Variants in RAD21L1 observed in about 807,000 individuals in gnomAD.
The protein encoded by RAD21L1 is double-strand-break repair protein rad21-like protein 1.
A neutral mutation model predicts 69.0 loss-of-function variants in RAD21L1; 47 were observed. That is an observed-to-expected ratio of 0.68 (90% confidence interval 0.54 to 0.87). The LOEUF (loss-of-function observed/expected upper bound fraction) is 0.87. Ranked by LOEUF, RAD21L1 falls within the 40% of genes least tolerant of loss-of-function variation. The pLI is 0.00. For missense variants in RAD21L1, 583 were observed against 647.6 expected, an observed-to-expected ratio of 0.90 and a Z score of 1.08; for synonymous variants, 177 against 205.8, an observed-to-expected ratio of 0.86 and a Z score of 1.20.
chr20:1,228,887 T>C (rs1017227079), intron 2 of RAD21L1, among the ~76,000 whole-genome samples: 73 of 152,312 alleles, frequency 4.8e-4, no homozygotes, highest in African/African-American at 1.7e-3. Flanking sequence ...GTTGACATAG[T>C]AAGTACTTAA....
At chr20:1,231,299 A>G (rs1257504077) in intron 3 of RAD21L1, among the ~76,000 whole-genome samples, 2 of 152,200 alleles carry the variant, frequency 1.3e-5, no homozygotes, top group Non-Finnish European at 2.9e-5. Flanking sequence ...ATTTTATTAA[A>G]TGCACTGGAG....
chr20:1,231,850 A>G (rs2087397549), intron 4 of RAD21L1, among the ~76,000 whole-genome samples: 1 of 152,216 alleles, frequency 6.6e-6, no homozygotes. Context: ...CATTCAGTAA[A>G]TATTCACTGA....
chr20:1,249,763 A>C (rs2087789223), intron 13 of RAD21L1, among the ~76,000 whole-genome samples: 1 of 152,324 alleles, frequency 6.6e-6, no homozygotes, highest in African/African-American at 2.4e-5. Context: ...TGCTGCCATA[A>C]AGACTAAATA....
At chr20:1,231,331 G>A (rs2087386268) in intron 3 of RAD21L1, among the ~76,000 whole-genome samples, 195 bp from the exon 4 acceptor site, 1 of 151,836 alleles carries the variant, frequency 6.6e-6, no homozygotes, top group South Asian at 2.1e-4. Context: ...TCATTTTAAG[G>A]CATCTAATCT....
chr20:1,240,291 T>C, intron 7 of RAD21L1, 30 bp from the exon 8 acceptor site: 1 of 1,515,516 alleles, frequency 6.6e-7, no homozygotes, highest in East Asian at 2.5e-5. Context: ...TGGTTTTTTT[T>C]ACAATTACTT....
At chr20:1,235,922 C>T (rs939610451) in intron 5 of RAD21L1, among the ~76,000 whole-genome samples, 9 of 152,118 alleles carry the variant, frequency 5.9e-5, no homozygotes, top group African/African-American at 9.7e-5. Flanking sequence ...CATGCACCTC[C>T]GCACTCGGCT....
chr20:1,232,042 A>T (rs971014443), intron 4 of RAD21L1, among the ~76,000 whole-genome samples: 1 of 152,252 alleles, frequency 6.6e-6, no homozygotes, highest in Non-Finnish European at 1.5e-5. Context: ...ATAAACAGTA[A>T]GACAGGAAAG....
intron 7 of RAD21L1, among the ~76,000 whole-genome samples, chr20:1,239,831 C>A (rs376162215): frequency 6.6e-6 from 1 of 152,122 alleles, no homozygotes; most frequent in East Asian, 1.9e-4. Flanking sequence ...ATTAAAAGTA[C>A]AATTAGCCCC....
chr20:1,239,829 T>C (rs1321998855), intron 7 of RAD21L1, among the ~76,000 whole-genome samples: 1 of 152,220 alleles, frequency 6.6e-6, no homozygotes, highest in Admixed American at 6.5e-5. Flanking sequence ...GAATTAAAAG[T>C]ACAATTAGCC....
intron 5 of RAD21L1, among the ~76,000 whole-genome samples, chr20:1,235,971 T>C (rs2087486590): frequency 6.6e-6 from 1 of 152,160 alleles, no homozygotes; most frequent in African/African-American, 2.4e-5. Flanking sequence ...TTTCACCATG[T>C]TGGCCAGGCT....
rs2087900313 is a variant in RAD21L1 at position 1,254,614 on chromosome 20, A to C, written c.*157A>C. 6.9e-6 allele frequency: 3 copies of C among 436,538 alleles called. No individual in the cohort carries two copies. The highest frequency in any genetic ancestry group is 1.2e-5 in the Non-Finnish European group (3 of 252,338). The allele number at this position is 436,538 out of a possible 1,614,324, so 27.0% of individuals were successfully genotyped here. A position where few individuals can be genotyped will look rare whatever the true frequency, so the allele number is the denominator to read the frequency against. Reference sequence around the variant, plus strand: ...TGTAGTTCAGAATAATCATAGCTAGAATTGGAAACCTACATGCTTACAAAG... The same window carrying C: ...TGTAGTTCAGAATAATCATAGCTAGCATTGGAAACCTACATGCTTACAAAG... On this transcript the variant is annotated 3_prime_UTR_variant, in exon 14 of 14. Coordinates refer to ENST00000683101, the MANE Select transcript of RAD21L1 (RefSeq NM_001384355.1).
At position 1,240,283 on chromosome 20, in the gene RAD21L1, GT is replaced by G. The variant is rs768821865; in HGVS notation, c.743-30del. On this transcript the variant is annotated intron_variant, in intron 7 of 13. Coordinates refer to ENST00000683101, the MANE Select transcript of RAD21L1 (RefSeq NM_001384355.1). ...AGTCCTCTAGCCTGCATCCTAACTG[GT>G]TTTTTTTACAATTACTTTTATGTGG... is the stretch of plus-strand genomic sequence containing the variant. 6.2e-5 allele frequency: 94 copies of G among 1,508,318 alleles called. No homozygotes were observed. The African/African-American group carries it at 1.1e-3, about 18-fold the overall frequency. The allele number at this position is 1,508,318 out of a possible 1,614,324, so 93.4% of individuals were successfully genotyped here. A position where few individuals can be genotyped will look rare whatever the true frequency, so the allele number is the denominator to read the frequency against.
At chr20:1,249,075 T>C (rs1227912270) in intron 13 of RAD21L1, among the ~76,000 whole-genome samples, 1 of 152,192 alleles carries the variant, frequency 6.6e-6, no homozygotes, top group African/African-American at 2.4e-5. Context: ...ACATGTATAT[T>C]ATTTTAAAAG....
intron 7 of RAD21L1, 61 bp downstream of exon 7, chr20:1,239,468 T>G (rs1395658583): frequency 2.2e-6 from 2 of 889,532 alleles, no homozygotes; most frequent in Admixed American, 4.4e-5. Context: ...GCCTCAGAAC[T>G]TCTGAATTTA....
At chr20:1,235,389 C>T (rs2087473533) in intron 5 of RAD21L1, among the ~76,000 whole-genome samples, 1 of 151,912 alleles carries the variant, frequency 6.6e-6, no homozygotes, top group East Asian at 1.9e-4. Flanking sequence ...TGGTGAAGGA[C>T]CAGTTTTCTA....
At chr20:1,242,439 C>T (rs1352896508) in intron 8 of RAD21L1, among the ~76,000 whole-genome samples, 180 bp from the exon 9 acceptor site, 1 of 152,030 alleles carries the variant, frequency 6.6e-6, no homozygotes, top group African/African-American at 2.4e-5. Context: ...AGCCATGTTG[C>T]CCAGGCTGGT....
intron 13 of RAD21L1, among the ~76,000 whole-genome samples, chr20:1,251,516 A>G (rs1459451017): frequency 1.3e-5 from 2 of 151,900 alleles, no homozygotes; most frequent in Non-Finnish European, 2.9e-5. Context: ...CATAGAGTCA[A>G]GGTCCCACTG....
chr20:1,249,484 C>T (rs1240877148), intron 13 of RAD21L1, among the ~76,000 whole-genome samples: 1 of 152,162 alleles, frequency 6.6e-6, no homozygotes. Flanking sequence ...CAGCTATGCT[C>T]ACAAAGTTGT....
intron 1 of RAD21L1, among the ~76,000 whole-genome samples, chr20:1,227,565 A>T (rs954745393): frequency 6.6e-6 from 1 of 152,246 alleles, no homozygotes; most frequent in Admixed American, 6.5e-5. Flanking sequence ...CCATAGTGGC[A>T]GTGTAAGATT....
Sources: gnomAD v4.1 joint callset for allele counts (sites outside exome capture counted in the v4.1 genomes callset) on GRCh38, gnomAD v4.1.1 for gene constraint, MANE v1.5 for transcripts, NCBI Gene and HGNC (gene_info 2026-07-23, HGNC 2026-07-21) for gene names.